Variants in GRM8 observed in about 807,000 individuals in gnomAD.
The protein encoded by GRM8 is metabotropic glutamate receptor 8.
Under a neutral mutation model 87.2 loss-of-function variants are expected in GRM8, and 47 were observed. The observed-to-expected ratio is 0.54, with a 90% CI of 0.43 to 0.69. The LOEUF (loss-of-function observed/expected upper bound fraction) is 0.69, where lower values mean the gene tolerates loss of function less well. Ranked by LOEUF, GRM8 falls within the 30% of genes least tolerant of loss-of-function variation. The pLI, the probability that GRM8 is intolerant of heterozygous loss-of-function variation, is 0.00. For synonymous variants in GRM8, 396 were observed against 404.5 expected (o/e 0.98, Z 0.25); for missense variants, 1,019 against 1,139.2 (o/e 0.89, Z 1.52).
At chr7:127,143,887 T>C (rs1337711080) in intron 2 of GRM8, among the ~76,000 whole-genome samples, 2 of 152,166 alleles carry the variant, frequency 1.3e-5, no homozygotes, top group Admixed American at 6.6e-5. Flanking sequence ...TTTTCTTCTC[T>C]TTGCTGCAAT....
intron 6 of GRM8, among the ~76,000 whole-genome samples, chr7:126,891,507 C>T (rs1446603273): frequency 2.0e-5 from 3 of 152,020 alleles, no homozygotes; most frequent in Admixed American, 6.6e-5. Context: ...TATGATCTGT[C>T]CCTTGCCTAG....
At chr7:126,745,488 T>G (rs1815552459) in intron 7 of GRM8, among the ~76,000 whole-genome samples, 1 of 151,308 alleles carries the variant, frequency 6.6e-6, no homozygotes, top group Non-Finnish European at 1.5e-5. Flanking sequence ...GCTTCCTAAA[T>G]ATCTTCACTT....
At chr7:126,447,446 T>C (rs1802137891) in intron 9 of GRM8, among the ~76,000 whole-genome samples, 1 of 151,914 alleles carries the variant, frequency 6.6e-6, no homozygotes, top group Non-Finnish European at 1.5e-5. Flanking sequence ...AATAGATCTG[T>C]TCACTCTATT....
At chr7:127,192,983 C>A (rs1795100231) in intron 2 of GRM8, among the ~76,000 whole-genome samples, 1 of 152,140 alleles carries the variant, frequency 6.6e-6, no homozygotes, top group African/African-American at 2.4e-5. Flanking sequence ...TAGAGTACTC[C>A]AAATCCAAAG....
chr7:126,822,847 T>C (rs1230882075), intron 6 of GRM8, among the ~76,000 whole-genome samples: 1 of 152,216 alleles, frequency 6.6e-6, no homozygotes, highest in Non-Finnish European at 1.5e-5. Flanking sequence ...CTGGTTTTAC[T>C]TGCTATCCAG....
At chr7:126,953,949 C>A (rs1331287045) in intron 3 of GRM8, among the ~76,000 whole-genome samples, 2 of 152,076 alleles carry the variant, frequency 1.3e-5, no homozygotes, top group Non-Finnish European at 2.9e-5. Flanking sequence ...CTAAGAGAAA[C>A]CTAACTAGGA....
chr7:126,734,684 AAAAGCTAC>A (rs1308785376), intron 7 of GRM8, among the ~76,000 whole-genome samples: 1 of 151,958 alleles, frequency 6.6e-6, no homozygotes, highest in Non-Finnish European at 1.5e-5. Flanking sequence ...GACATCATGA[AAAAGCTAC>A]AAGAAAATAC....
intron 2 of GRM8, among the ~76,000 whole-genome samples, chr7:127,161,427 C>G (rs894535902): frequency 1.3e-5 from 2 of 152,160 alleles, no homozygotes; most frequent in African/African-American, 4.8e-5. Flanking sequence ...AGCCTATACT[C>G]CTACAAATTG....
chr7:127,011,607 T>C (rs761317828), intron 3 of GRM8, among the ~76,000 whole-genome samples: 2 of 152,190 alleles, frequency 1.3e-5, no homozygotes, highest in African/African-American at 2.4e-5. Flanking sequence ...TGTAGTTTTT[T>C]AAAATATGAA....
chr7:126,616,095 C>G (rs1799460704), intron 7 of GRM8, among the ~76,000 whole-genome samples: 1 of 152,224 alleles, frequency 6.6e-6, no homozygotes. Flanking sequence ...CCACATCACA[C>G]TTATTCCAAA....
chr7:127,015,525 T>C (rs1815576607), intron 3 of GRM8, among the ~76,000 whole-genome samples: 1 of 152,130 alleles, frequency 6.6e-6, no homozygotes, highest in South Asian at 2.1e-4. Context: ...CCATTTTCTG[T>C]ATTCATCTGT....
chr7:126,545,986 C>T (rs952390346), intron 8 of GRM8, among the ~76,000 whole-genome samples: 3 of 152,078 alleles, frequency 2.0e-5, no homozygotes, highest in Admixed American at 6.6e-5. Context: ...TATGACTCAA[C>T]GTTCATTTAA....
intron 3 of GRM8, among the ~76,000 whole-genome samples, chr7:126,970,621 T>C (rs1810326653): frequency 6.6e-6 from 1 of 152,176 alleles, no homozygotes; most frequent in Non-Finnish European, 1.5e-5. Context: ...TGTTTTGCTT[T>C]CTTATCATTC....
chr7:126,691,329 CA>C (rs1293023675), intron 7 of GRM8, among the ~76,000 whole-genome samples: 1 of 152,190 alleles, frequency 6.6e-6, no homozygotes, highest in Non-Finnish European at 1.5e-5. Context: ...GAAATCAGAG[CA>C]GGCACCGGGA....
At chr7:126,711,171 T>A (rs1161231665) in intron 7 of GRM8, among the ~76,000 whole-genome samples, 1 of 152,128 alleles carries the variant, frequency 6.6e-6, no homozygotes, top group Non-Finnish European at 1.5e-5. Flanking sequence ...TGAGACTGTC[T>A]CAAAAACATA....
intron 6 of GRM8, among the ~76,000 whole-genome samples, chr7:126,862,617 A>AT (rs1798231727): frequency 6.6e-6 from 1 of 152,018 alleles, no homozygotes; most frequent in Admixed American, 6.6e-5. Context: ...AGAAAGCAGC[A>AT]TTTTTACTAC....
chr7:127,054,353 C>T (rs1354030112), intron 3 of GRM8, among the ~76,000 whole-genome samples: 1 of 152,130 alleles, frequency 6.6e-6, no homozygotes, highest in Non-Finnish European at 1.5e-5. Flanking sequence ...GTTGACTTTA[C>T]TACCTGTGAA....
chr7:127,003,219 C>G (rs1813901229), intron 3 of GRM8, among the ~76,000 whole-genome samples: 1 of 151,698 alleles, frequency 6.6e-6, no homozygotes, highest in South Asian at 2.1e-4. Flanking sequence ...GCATGGGACA[C>G]TTTACAACTG....
chr7:126,966,813 C>T (rs1284705161), intron 3 of GRM8, among the ~76,000 whole-genome samples: 1 of 152,066 alleles, frequency 6.6e-6, no homozygotes, highest in African/African-American at 2.4e-5. Flanking sequence ...CAATTAAAAA[C>T]AGAATTGTAT....
Sources: allele counts gnomAD v4.1 joint callset (sites outside exome capture counted in the v4.1 genomes callset), GRCh38; gene constraint gnomAD v4.1.1; transcripts MANE v1.5; gene names NCBI Gene and HGNC (gene_info 2026-07-23, HGNC 2026-07-21).